Variants in GRM5 observed in about 807,000 individuals in gnomAD.
The protein encoded by GRM5 is metabotropic glutamate receptor 5.
A neutral mutation model predicts 83.1 loss-of-function variants in GRM5; 19 were observed. The ratio of observed to expected loss-of-function variants is 0.23; its 90% CI spans 0.16 to 0.34. The LOEUF is 0.34. Among genes scored for constraint, GRM5 ranks in the 10% least tolerant of loss-of-function variants. The probability of loss-of-function intolerance (pLI) is 1.00; values close to 1 mark genes in which losing one functional copy is unlikely to be tolerated. For synonymous variants in GRM5, 675 were observed against 633.6 expected, an observed-to-expected ratio of 1.07 and a Z score of -0.98; for missense variants, 1,160 against 1,588.3, an observed-to-expected ratio of 0.73 and a Z score of 4.58.
chr11:88,994,483 ATATT>A (rs1313356612), intron 2 of GRM5, among the ~76,000 whole-genome samples: 10 of 120,826 alleles, frequency 8.3e-5, no homozygotes, highest in South Asian at 7.9e-4. Flanking sequence ...ATATATATAT[ATATT>A]ACAATTGCTG....
At chr11:88,932,645 A>G (rs943740456) in intron 2 of GRM5, among the ~76,000 whole-genome samples, 3 of 152,000 alleles carry the variant, frequency 2.0e-5, no homozygotes, top group Non-Finnish European at 2.9e-5. Context: ...ATATGTAACA[A>G]CTTATTAAGA....
chr11:89,058,600 G>A (rs1010815661), intron 1 of GRM5, among the ~76,000 whole-genome samples: 4 of 152,080 alleles, frequency 2.6e-5, no homozygotes, highest in Non-Finnish European at 5.9e-5. Context: ...AAGGAGAGAC[G>A]GTTGAAATAG....
At chr11:88,846,283 C>T (rs1944302926) in intron 3 of GRM5, among the ~76,000 whole-genome samples, 2 of 152,136 alleles carry the variant, frequency 1.3e-5, no homozygotes, top group Non-Finnish European at 1.5e-5. Context: ...TAGAACAAGA[C>T]AGTGTATTCA....
intron 3 of GRM5, among the ~76,000 whole-genome samples, chr11:88,776,230 A>C (rs1359450800): frequency 6.6e-6 from 1 of 152,080 alleles, no homozygotes; most frequent in Non-Finnish European, 1.5e-5. Context: ...TTGTGGGTTT[A>C]AAGTCTGTTT....
intron 2 of GRM5, among the ~76,000 whole-genome samples, chr11:88,896,447 T>C (rs1945229195): frequency 6.6e-6 from 1 of 151,458 alleles, no homozygotes; most frequent in Non-Finnish European, 1.5e-5. Context: ...GAAATGAGAG[T>C]ATTTTAGGGT....
chr11:88,965,653 A>G (rs1209793355), intron 2 of GRM5, among the ~76,000 whole-genome samples: 1 of 150,680 alleles, frequency 6.6e-6, no homozygotes, highest in East Asian at 1.9e-4. Flanking sequence ...CCAGGTATAT[A>G]TCATCAGGAG....
chr11:88,909,560 A>ACACACC (rs1945459995), intron 2 of GRM5, among the ~76,000 whole-genome samples: 1 of 150,568 alleles, frequency 6.6e-6, no homozygotes, highest in Non-Finnish European at 1.5e-5. Context: ...ACACACACAC[A>ACACACC]CACACACACA....
chr11:89,005,659 A>T (rs532216364), intron 2 of GRM5, among the ~76,000 whole-genome samples: 1 of 152,316 alleles, frequency 6.6e-6, no homozygotes, highest in African/African-American at 2.4e-5. Flanking sequence ...ATGGCAAATT[A>T]GTAAGTATTT....
intron 2 of GRM5, among the ~76,000 whole-genome samples, chr11:88,874,390 G>A (rs984218424): frequency 2.0e-5 from 3 of 151,768 alleles, no homozygotes; most frequent in African/African-American, 7.3e-5. Flanking sequence ...CTCATATGTT[G>A]AAGAATGACA....
chr11:88,926,530 T>C lies in GRM5; in HGVS notation c.662-76375A>G, dbSNP rs115325585. Among the ~76,000 whole-genome samples the C allele has an allele frequency of 2.3e-3, 353 of 152,290 alleles. 1 individual carries two copies. The highest frequency in any genetic ancestry group is 8.2e-3 in the African/African-American group (339 of 41,582). Reference sequence around the variant, plus strand: ...CCTTTCCATCCATTCAGTCTTTATCTCTTCACATATACCTTTGTATTTGCT... The same window carrying C: ...CCTTTCCATCCATTCAGTCTTTATCCCTTCACATATACCTTTGTATTTGCT... On this transcript the variant is annotated intron_variant, in intron 2 of 9. Coordinates refer to ENST00000305447, the MANE Select transcript of GRM5 (RefSeq NM_001143831.3).
At chr11:88,969,270 T>A (rs1939091212) in intron 2 of GRM5, among the ~76,000 whole-genome samples, 1 of 152,116 alleles carries the variant, frequency 6.6e-6, no homozygotes. Flanking sequence ...ATTTACTTGC[T>A]GGAAAAATAA....
intron 2 of GRM5, among the ~76,000 whole-genome samples, chr11:88,941,046 ACTTAG>A (rs1938071968): frequency 2.0e-5 from 3 of 151,964 alleles, no homozygotes; most frequent in Admixed American, 2.0e-4. Flanking sequence ...AACACTCCAA[ACTTAG>A]ATCTTTGTTT....
At chr11:88,628,008 C>T (rs1163548526) in intron 4 of GRM5, among the ~76,000 whole-genome samples, 1 of 152,148 alleles carries the variant, frequency 6.6e-6, no homozygotes, top group East Asian at 1.9e-4. Flanking sequence ...ATCTATGACA[C>T]TGAGTAGGAC....
At chr11:88,643,255 A>G (rs1939345789) in intron 4 of GRM5, among the ~76,000 whole-genome samples, 1 of 97,774 alleles carries the variant, frequency 1.0e-5, no homozygotes, top group Admixed American at 1.1e-4. Context: ...AGAGTAGGGT[A>G]GAGGTATGGT....
At chr11:88,932,075 G>A (rs182816180) in intron 2 of GRM5, among the ~76,000 whole-genome samples, 20 of 152,164 alleles carry the variant, frequency 1.3e-4, no homozygotes, top group African/African-American at 4.6e-4. Flanking sequence ...TGTAGGGAAG[G>A]AAGTCTCACA....
chr11:88,777,371 G>C (rs1565225917), intron 3 of GRM5, among the ~76,000 whole-genome samples: 1 of 152,114 alleles, frequency 6.6e-6, no homozygotes, highest in Non-Finnish European at 1.5e-5. Flanking sequence ...CTTCCTTGCA[G>C]TGGGTTCAGC....
intron 3 of GRM5, among the ~76,000 whole-genome samples, chr11:88,773,094 C>T (rs1374569213): frequency 6.6e-6 from 1 of 152,186 alleles, no homozygotes; most frequent in Non-Finnish European, 1.5e-5. Context: ...TATTTCTCCA[C>T]ATCCTCTCCA....
intron 2 of GRM5, among the ~76,000 whole-genome samples, chr11:89,035,498 GA>G (rs1941362651): frequency 1.3e-5 from 2 of 151,794 alleles, no homozygotes; most frequent in Admixed American, 1.3e-4. Flanking sequence ...CAAGCAATAT[GA>G]AGACAGTTTC....
intron 2 of GRM5, among the ~76,000 whole-genome samples, chr11:88,948,754 G>A (rs1938361227): frequency 6.6e-6 from 1 of 152,188 alleles, no homozygotes; most frequent in Non-Finnish European, 1.5e-5. Context: ...CCTATTATGT[G>A]CAAATATTAG....
Sources: gnomAD v4.1 joint callset for allele counts (sites outside exome capture counted in the v4.1 genomes callset) on GRCh38, gnomAD v4.1.1 for gene constraint, MANE v1.5 for transcripts, NCBI Gene and HGNC (gene_info 2026-07-23, HGNC 2026-07-21) for gene names.